Variants in HS3ST3B1 observed in about 807,000 individuals in gnomAD.
HS3ST3B1 encodes the protein heparan sulfate glucosamine 3-O-sulfotransferase 3B1.
HS3ST3B1 carries 13 observed loss-of-function variants against 21.3 expected under a neutral mutation model. The observed-to-expected ratio is 0.61, with a 90% CI of 0.40 to 0.97. HS3ST3B1 has a LOEUF of 0.97. Among genes scored for constraint, HS3ST3B1 ranks in the 50% least tolerant of loss-of-function variants. The pLI is 0.00. For synonymous variants in HS3ST3B1, 234 were observed against 254.8 expected, an observed-to-expected ratio of 0.92 and a Z score of 0.78; for missense variants, 459 against 554.8, an observed-to-expected ratio of 0.83 and a Z score of 1.73.
chr17:14,331,256 A>G (rs1910002527), intron 1 of HS3ST3B1, among the ~76,000 whole-genome samples: 1 of 152,020 alleles, frequency 6.6e-6, no homozygotes, highest in African/African-American at 2.4e-5. Context: ...CAGAGAGCTC[A>G]CCCGCAAAAG....
intron 1 of HS3ST3B1, among the ~76,000 whole-genome samples, chr17:14,337,795 C>T (rs908683255): frequency 6.6e-6 from 1 of 151,834 alleles, no homozygotes; most frequent in East Asian, 1.9e-4. Context: ...AGCTGAACAA[C>T]TTTCAGTTCT....
At chr17:14,305,746 CGTGTGTGT>C (rs566690236) in intron 1 of HS3ST3B1, among the ~76,000 whole-genome samples, 1 of 151,526 alleles carries the variant, frequency 6.6e-6, no homozygotes, top group Non-Finnish European at 1.5e-5. Flanking sequence ...GTATACCGTA[CGTGTGTGT>C]GTGTGTATGT....
chr17:14,334,632 C>T (rs1049303117), intron 1 of HS3ST3B1, among the ~76,000 whole-genome samples: 9 of 152,144 alleles, frequency 5.9e-5, no homozygotes, highest in African/African-American at 2.2e-4. Context: ...CTCATTATCA[C>T]CCAAAGTTCA....
chr17:14,337,410 C>T (rs1171536945), intron 1 of HS3ST3B1, among the ~76,000 whole-genome samples: 2 of 151,572 alleles, frequency 1.3e-5, no homozygotes, highest in African/African-American at 4.9e-5. Flanking sequence ...TCACTGCAAC[C>T]TCCATCTCCC....
intron 1 of HS3ST3B1, among the ~76,000 whole-genome samples, chr17:14,335,995 G>A (rs2058044): frequency 0.43 from 65,708 of 152,088 alleles, 15,616 homozygotes; most frequent in African/African-American, 0.64. Flanking sequence ...TAAAAAACGA[G>A]AAAGAGTCTT....
chr17:14,334,128 C>T (rs1002715107), intron 1 of HS3ST3B1, among the ~76,000 whole-genome samples: 1 of 152,168 alleles, frequency 6.6e-6, no homozygotes, highest in African/African-American at 2.4e-5. Flanking sequence ...GCTAAACCAA[C>T]TCAGGAGAAT....
At chr17:14,309,572 G>T (rs1909242548) in intron 1 of HS3ST3B1, among the ~76,000 whole-genome samples, 1 of 152,236 alleles carries the variant, frequency 6.6e-6, no homozygotes, top group Non-Finnish European at 1.5e-5. Flanking sequence ...CGCCCCCGCC[G>T]GTGTTGGCCT....
chr17:14,335,416 C>T (rs1370065918), intron 1 of HS3ST3B1, among the ~76,000 whole-genome samples: 1 of 152,146 alleles, frequency 6.6e-6, no homozygotes, highest in African/African-American at 2.4e-5. Flanking sequence ...AAAATTTGGC[C>T]AGATGCGGTG....
chr17:14,328,606 C>T (rs1317243913), intron 1 of HS3ST3B1: 2 of 152,222 alleles, frequency 1.3e-5, no homozygotes, highest in Non-Finnish European at 2.9e-5. Flanking sequence ...GAAGTAAGTA[C>T]TGATGACAAG....
intron 1 of HS3ST3B1, among the ~76,000 whole-genome samples, chr17:14,326,874 T>C (rs1909833955): frequency 7.2e-6 from 1 of 138,758 alleles, no homozygotes. Context: ...TGAGCAGAGA[T>C]CGTGCCACTG....
At chr17:14,312,026 A>G (rs916257134) in intron 1 of HS3ST3B1, among the ~76,000 whole-genome samples, 1 of 152,148 alleles carries the variant, frequency 6.6e-6, no homozygotes, top group African/African-American at 2.4e-5. Context: ...TGATTTTTGC[A>G]TTTTACTTTT....
chr17:14,344,371 A>AT (rs1216169037), intron 1 of HS3ST3B1, among the ~76,000 whole-genome samples: 2 of 152,126 alleles, frequency 1.3e-5, no homozygotes. Context: ...CCTCTAAAGT[A>AT]TTTTTGGAGG....
At chr17:14,318,174 C>T (rs1909556328) in intron 1 of HS3ST3B1, among the ~76,000 whole-genome samples, 1 of 152,070 alleles carries the variant, frequency 6.6e-6, no homozygotes. Flanking sequence ...CCATTCTTCT[C>T]CAACTCCCCG....
At chr17:14,325,936 A>G (rs982606040) in intron 1 of HS3ST3B1, among the ~76,000 whole-genome samples, 2 of 152,172 alleles carry the variant, frequency 1.3e-5, no homozygotes, top group African/African-American at 2.4e-5. Context: ...TTTTTGCCAC[A>G]GTGCAAATAA....
intron 1 of HS3ST3B1, among the ~76,000 whole-genome samples, chr17:14,321,658 A>T (rs1350927007): frequency 6.6e-6 from 1 of 152,064 alleles, no homozygotes; most frequent in African/African-American, 2.4e-5. Context: ...TAGTTCCAGG[A>T]TGTGGGTAAG....
intron 1 of HS3ST3B1, among the ~76,000 whole-genome samples, chr17:14,331,293 C>T (rs908312354): frequency 9.2e-5 from 14 of 151,876 alleles, no homozygotes; most frequent in African/African-American, 3.4e-4. Context: ...TGAAACCCTC[C>T]CTCCACCCCC....
At chr17:14,338,170 G>A (rs1910246256) in intron 1 of HS3ST3B1, among the ~76,000 whole-genome samples, 1 of 151,828 alleles carries the variant, frequency 6.6e-6, no homozygotes, top group African/African-American at 2.4e-5. Context: ...TCTGTCACCA[G>A]GCTGGAGTGC....
intron 1 of HS3ST3B1, among the ~76,000 whole-genome samples, chr17:14,313,081 G>A (rs528160155): frequency 3.4e-5 from 3 of 89,254 alleles, no homozygotes; most frequent in Non-Finnish European, 4.5e-5. Flanking sequence ...TAATTATTGT[G>A]TGTGTGTGTG....
At chr17:14,312,991 G>A (rs1444278658) in intron 1 of HS3ST3B1, among the ~76,000 whole-genome samples, 5 of 146,374 alleles carry the variant, frequency 3.4e-5, no homozygotes, top group African/African-American at 1.3e-4. Flanking sequence ...TGCAACCTCT[G>A]CCACCTGGGT....
Sources: allele counts gnomAD v4.1 joint callset (sites outside exome capture counted in the v4.1 genomes callset), GRCh38; gene constraint gnomAD v4.1.1; transcripts MANE v1.5; gene names NCBI Gene and HGNC (gene_info 2026-07-23, HGNC 2026-07-21).